Variants in RRBP1 observed in about 807,000 individuals in gnomAD.
RRBP1 encodes the protein ribosome-binding protein 1.
A neutral mutation model predicts 165.2 loss-of-function variants in RRBP1; 94 were observed. That is an observed-to-expected ratio of 0.57 (90% CI 0.48 to 0.68). The LOEUF is 0.68. Ranked by LOEUF, RRBP1 falls within the 30% of genes least tolerant of loss-of-function variation. RRBP1 has a pLI of 0.00. For missense variants in RRBP1, 1,676 were observed against 1,763.0 expected (o/e 0.95, Z 0.88); for synonymous variants, 680 against 714.5 (o/e 0.95, Z 0.77).
At position 17,616,137 on chromosome 20, in the gene RRBP1, G is replaced by A. The variant is rs532436453; in HGVS notation, c.3868-128C>T. On this transcript the variant is annotated intron_variant, in intron 21 of 24. Transcript: ENST00000377813. ...CTTTCCCTGCCCCAACGCTCCCCTC[G>A]TTGGGGAGAGGGCACCTCAGCCCCT... 366 of 752,950 alleles carry A rather than the reference G, an allele frequency of 4.9e-4. 4 individuals carry two copies. The highest frequency in any genetic ancestry group is 3.7e-3 in the South Asian group (198 of 53,270). The allele number at this position is 752,950 out of a possible 1,614,324, so 46.6% of individuals were successfully genotyped here. A position where few individuals can be genotyped will look rare whatever the true frequency, so the allele number is the denominator to read the frequency against.
In RRBP1 at chr20:17,616,502, C is replaced by T. The variant is rs533063288; in HGVS notation, c.3867+230G>A. 7.6e-4 allele frequency among the ~76,000 whole-genome samples: 116 copies of T among 152,324 alleles called. 1 individual carries two copies. The highest frequency in any genetic ancestry group is 1.3e-3 in the Non-Finnish European group (88 of 68,024). ...GACCCCAAATCACGGACTCCCTCTT[C>T]GAGTCCCACCTCCCCCCAACTCCTC... On this transcript the variant is annotated intron_variant, in intron 21 of 24. Coordinates refer to ENST00000377813, the MANE Select transcript of RRBP1 (RefSeq NM_001365613.2).
intron 3 of RRBP1, among the ~76,000 whole-genome samples, chr20:17,654,383 G>T (rs1321772406): frequency 2.0e-5 from 3 of 152,220 alleles, no homozygotes; most frequent in Non-Finnish European, 2.9e-5. Flanking sequence ...CGCAACTCCA[G>T]ACACATTAAG....
intron 2 of RRBP1, among the ~76,000 whole-genome samples, chr20:17,662,219 C>T (rs1434410385): frequency 1.3e-5 from 2 of 151,310 alleles, no homozygotes; most frequent in African/African-American, 2.4e-5. Context: ...GCCAAGATCG[C>T]GCCACTGCAC....
At chr20:17,621,308 A>G in intron 16 of RRBP1, 150 bp downstream of exon 16, 1 of 624,422 alleles carries the variant, frequency 1.6e-6, no homozygotes, top group Non-Finnish European at 2.8e-6. Flanking sequence ...GGTGCCATCC[A>G]TTTACCATGC....
In RRBP1 at chr20:17,627,732, G is replaced by A. The variant is rs781142647; in HGVS notation, c.2750-50C>T. On this transcript the variant is annotated intron_variant, in intron 9 of 24. Transcript: ENST00000377813. Reference sequence around the variant, plus strand: ...AAGTTAAGAGACTGCAAACCCCAGGGGGTGTGGAGGATGCCCTCACTGCTG... The same window carrying A: ...AAGTTAAGAGACTGCAAACCCCAGGAGGTGTGGAGGATGCCCTCACTGCTG... 6.6e-6 allele frequency: 10 copies of A among 1,515,470 alleles called. No homozygotes were observed. In the South Asian group the frequency reaches 1.2e-4, roughly 18 times the overall value. The allele number at this position is 1,515,470 out of a possible 1,614,324, so 93.9% of individuals were successfully genotyped here.
intron 19 of RRBP1, chr20:17,619,349 T>C: frequency 2.8e-6 from 1 of 356,436 alleles, no homozygotes; most frequent in Non-Finnish European, 5.0e-6. Flanking sequence ...GAGAATCCCC[T>C]TGCGGAGGGA....
intron 5 of RRBP1, among the ~76,000 whole-genome samples, chr20:17,640,945 C>T (rs535113399): frequency 2.0e-5 from 3 of 152,332 alleles, no homozygotes; most frequent in East Asian, 3.9e-4. Context: ...CCTCCCCCTG[C>T]GCCCGCTGCC....
chr20:17,639,393 T>C, intron 5 of RRBP1, among the ~76,000 whole-genome samples: 1 of 152,194 alleles, frequency 6.6e-6, no homozygotes, highest in East Asian at 1.9e-4. Flanking sequence ...AGAAACAGAA[T>C]TAATGAAAAC....
chr20:17,616,128 G>A (rs1238822535), intron 21 of RRBP1, 119 bp from the exon 22 acceptor site: 3 of 823,780 alleles, frequency 3.6e-6, no homozygotes, highest in East Asian at 2.8e-5. Context: ...CTGCCCCAAC[G>A]CTCCCCTCGT....
intron 9 of RRBP1, among the ~76,000 whole-genome samples, chr20:17,628,342 C>G (rs2036073115): frequency 6.6e-6 from 1 of 152,212 alleles, no homozygotes; most frequent in African/African-American, 2.4e-5. Context: ...CATCTTCCTC[C>G]CTCGCCCACT....
At chr20:17,631,265 T>C (rs1046448024) in intron 8 of RRBP1, among the ~76,000 whole-genome samples, 1 of 152,198 alleles carries the variant, frequency 6.6e-6, no homozygotes. Context: ...CCAGGATACA[T>C]AGGGCAGGGT....
At chr20:17,626,892 C>T (rs1010444848) in intron 11 of RRBP1, among the ~76,000 whole-genome samples, 8 of 152,228 alleles carry the variant, frequency 5.3e-5, no homozygotes, top group Non-Finnish European at 7.3e-5. Flanking sequence ...AACGCTGAGA[C>T]GCTGCCAGCT....
At chr20:17,620,412 G>A in intron 17 of RRBP1, 42 bp from the exon 18 acceptor site, 1 of 1,538,830 alleles carries the variant, frequency 6.5e-7, no homozygotes, top group Non-Finnish European at 9.0e-7. Flanking sequence ...CGAGCACCTG[G>A]GGGTGTCTCC....
intron 3 of RRBP1, among the ~76,000 whole-genome samples, chr20:17,654,877 C>T (rs779823143): frequency 1.1e-4 from 17 of 152,264 alleles, no homozygotes; most frequent in Non-Finnish European, 2.4e-4. Flanking sequence ...CCAGCAGCCC[C>T]TGCCTTCCAG....
chr20:17,679,387 A>C (rs1250256548), intron 2 of RRBP1, among the ~76,000 whole-genome samples: 1 of 152,244 alleles, frequency 6.6e-6, no homozygotes, highest in Non-Finnish European at 1.5e-5. Context: ...GCACAGACGG[A>C]CAGCACAGTC....
intron 2 of RRBP1, among the ~76,000 whole-genome samples, chr20:17,670,312 A>T (rs1408159132): frequency 6.6e-6 from 1 of 151,850 alleles, no homozygotes; most frequent in African/African-American, 2.4e-5. Context: ...CAGGTATGAG[A>T]TCTGACTGAT....
At chr20:17,655,002 T>C (rs1450362908) in intron 3 of RRBP1, among the ~76,000 whole-genome samples, 1 of 152,234 alleles carries the variant, frequency 6.6e-6, no homozygotes, top group Non-Finnish European at 1.5e-5. Flanking sequence ...ATTTTATCTC[T>C]CTAAAATAAT....
intron 21 of RRBP1, 49 bp from the exon 22 acceptor site, chr20:17,616,058 C>T (rs1455010108): frequency 2.0e-6 from 3 of 1,500,968 alleles, no homozygotes; most frequent in Non-Finnish European, 2.7e-6. Flanking sequence ...AGGAACCCTC[C>T]AGGGGCCCAG....
At chr20:17,617,981 A>G (rs2035833857) in intron 20 of RRBP1, among the ~76,000 whole-genome samples, 1 of 152,234 alleles carries the variant, frequency 6.6e-6, no homozygotes, top group Admixed American at 6.5e-5. Context: ...ACTTGGCATC[A>G]GACACCTGAG....
Sources: gnomAD v4.1 joint callset for allele counts (sites outside exome capture counted in the v4.1 genomes callset) on GRCh38, gnomAD v4.1.1 for gene constraint, MANE v1.5 for transcripts, NCBI Gene and HGNC (gene_info 2026-07-23, HGNC 2026-07-21) for gene names.